Variants in TRIM44 observed in about 807,000 individuals in gnomAD.
The protein encoded by TRIM44 is tripartite motif-containing protein 44.
In TRIM44, 13 loss-of-function variants were observed where a neutral mutation model predicts 37.4. That is an observed-to-expected ratio of 0.35 (90% CI 0.23 to 0.55). The LOEUF (loss-of-function observed/expected upper bound fraction) is 0.55. TRIM44 is among the 20% of genes least tolerant of loss of function. The pLI is 0.89. For synonymous variants in TRIM44, 175 were observed against 157.2 expected (o/e 1.11, Z -0.85); for missense variants, 426 against 437.2 (o/e 0.97, Z 0.23).
chr11:35,804,829 G>C (rs139938826), intron 4 of TRIM44, among the ~76,000 whole-genome samples: 107 of 152,292 alleles, frequency 7.0e-4, no homozygotes, highest in Non-Finnish European at 1.3e-3. Flanking sequence ...TATTGAGTTG[G>C]TTCTTTTGGC....
At chr11:35,734,548 A>G (rs2057744143) in intron 3 of TRIM44, among the ~76,000 whole-genome samples, 1 of 152,156 alleles carries the variant, frequency 6.6e-6, no homozygotes, top group Non-Finnish European at 1.5e-5. Flanking sequence ...TACATTCTCT[A>G]TTGAGACTAC....
At chr11:35,787,330 G>A (rs946090957) in intron 4 of TRIM44, among the ~76,000 whole-genome samples, 1 of 152,092 alleles carries the variant, frequency 6.6e-6, no homozygotes, top group Non-Finnish European at 1.5e-5. Context: ...TTAAACACCA[G>A]CAAAGCACAA....
At position 35,728,091 on chromosome 11, in the gene TRIM44, C is replaced by T. The variant is rs1434477525; in HGVS notation, c.987+1928C>T. Among the ~76,000 whole-genome samples the T allele has an allele frequency of 4.6e-5, 7 of 152,270 alleles. No individual in the cohort carries two copies. The East Asian group carries it at 5.8e-4, about 13-fold the overall frequency. ...CTGTAATCCCAGCACTTTGGCAGGC[C>T]GAGGTGGGAGGATCACCTGAGGTCA... On this transcript the variant is annotated intron_variant, in intron 3 of 4. Coordinates refer to ENST00000299413, the MANE Select transcript of TRIM44 (RefSeq NM_017583.6).
chr11:35,692,338 C>T (rs556959865), intron 2 of TRIM44, among the ~76,000 whole-genome samples: 7 of 152,102 alleles, frequency 4.6e-5, no homozygotes, highest in Non-Finnish European at 4.4e-5. Flanking sequence ...AGGTGAAAGA[C>T]ACCTATGGAA....
intron 1 of TRIM44, among the ~76,000 whole-genome samples, chr11:35,680,040 G>A (rs1046040200): frequency 4.6e-5 from 7 of 152,080 alleles, no homozygotes; most frequent in Non-Finnish European, 4.4e-5. Flanking sequence ...ATTTTATATC[G>A]TTTTGAGGAT....
At chr11:35,781,944 A>T (rs1853070820) in intron 4 of TRIM44, among the ~76,000 whole-genome samples, 1 of 152,204 alleles carries the variant, frequency 6.6e-6, no homozygotes, top group Non-Finnish European at 1.5e-5. Flanking sequence ...GCTATCCTTT[A>T]CTTCATGCCC....
chr11:35,688,393 T>C (rs1376733266), intron 2 of TRIM44, among the ~76,000 whole-genome samples: 1 of 152,186 alleles, frequency 6.6e-6, no homozygotes, highest in African/African-American at 2.4e-5. Flanking sequence ...TTTTTAAAAT[T>C]ATAAAATAAT....
Position 35,663,465 on chromosome 11 carries a change from G to T in TRIM44, c.354G>T (p.Glu118Asp). 6.4e-7 allele frequency: 1 copy of T among 1,565,582 alleles called. No individual in the cohort carries two copies. Among genetic ancestry groups the T allele is most frequent in the East Asian group, 2.4e-5 (1 of 41,786 alleles). The change falls in exon 1 of 5, where the codon GAG becomes GAT. Residue 118 changes from glutamate (E) to aspartate (D), a missense_variant. By Grantham distance (45) the Glu-to-Asp change is conservative (BLOSUM62 2). Around this residue, in one of 2 missense-constraint regions of TRIM44, gnomAD observed 331 missense variants for 303.0 expected, o/e 1.09. Transcript: ENST00000299413. ...AGAGCGAGACAGAGGAAGAGAGTGA[G>T]GATGAGAGCGATGAGGAGAGTGAAG... ...EEESETEEES[E>D]DESDEESEED...
intron 4 of TRIM44, among the ~76,000 whole-genome samples, chr11:35,746,783 G>A (rs1345606025): frequency 6.6e-6 from 1 of 152,120 alleles, no homozygotes; most frequent in Non-Finnish European, 1.5e-5. Flanking sequence ...AAACATGAAT[G>A]GTTGCAGGTT....
At chr11:35,722,734 T>C (rs1158562936) in intron 2 of TRIM44, among the ~76,000 whole-genome samples, 1 of 152,228 alleles carries the variant, frequency 6.6e-6, no homozygotes, top group Non-Finnish European at 1.5e-5. Context: ...TTATGACCTG[T>C]ATCTTGTGCC....
chr11:35,788,303 A>G (rs941334961), intron 4 of TRIM44, among the ~76,000 whole-genome samples: 3 of 152,210 alleles, frequency 2.0e-5, no homozygotes, highest in African/African-American at 7.2e-5. Context: ...TGACTTGTTA[A>G]CAGCCATTTA....
At position 35,765,792 on chromosome 11, in the gene TRIM44, A is replaced by C. The variant is rs146770819; in HGVS notation, c.1007+30347A>C. On this transcript the variant is annotated intron_variant, in intron 4 of 4. Coordinates refer to ENST00000299413, the MANE Select transcript of TRIM44 (RefSeq NM_017583.6). The stretch of plus-strand genomic sequence containing the variant: ...TCATTCTCTCCTGCTCTTTCTGTGC[A>C]ATCTGATAGAACAAAATTTAGTTTC... 1.8e-3 allele frequency among the ~76,000 whole-genome samples: 278 copies of C among 152,294 alleles called. 1 individual carries two copies. The highest frequency in any genetic ancestry group is 6.4e-3 in the African/African-American group (267 of 41,574).
At chr11:35,682,690 T>TG (rs1445466088) in intron 1 of TRIM44, among the ~76,000 whole-genome samples, 1 of 152,170 alleles carries the variant, frequency 6.6e-6, no homozygotes, top group Non-Finnish European at 1.5e-5. Context: ...GCCTCTCCTC[T>TG]GTCTCTTCCC....
At chr11:35,737,997 C>T (rs1210679676) in intron 4 of TRIM44, among the ~76,000 whole-genome samples, 2 of 152,166 alleles carry the variant, frequency 1.3e-5, no homozygotes, top group African/African-American at 4.8e-5. Flanking sequence ...ATCTCCTTGG[C>T]CCTCCTCCGC....
chr11:35,799,832 C>T (rs1853342089), intron 4 of TRIM44, among the ~76,000 whole-genome samples: 1 of 152,138 alleles, frequency 6.6e-6, no homozygotes, highest in South Asian at 2.1e-4. Flanking sequence ...AGAGAGAAGG[C>T]TCATAGGATA....
chr11:35,787,837 C>G (rs923149176), intron 4 of TRIM44, among the ~76,000 whole-genome samples: 1 of 152,244 alleles, frequency 6.6e-6, no homozygotes, highest in African/African-American at 2.4e-5. Context: ...CCCCAAACCA[C>G]ACTGTGAGCT....
intron 4 of TRIM44, among the ~76,000 whole-genome samples, chr11:35,778,514 C>T (rs565559167): frequency 1.3e-5 from 2 of 152,288 alleles, no homozygotes; most frequent in South Asian, 2.1e-4. Flanking sequence ...CAAGTAGCTG[C>T]GTTCCTTTAG....
chr11:35,806,077 C>T (rs989817924), intron 4 of TRIM44, among the ~76,000 whole-genome samples: 3 of 152,160 alleles, frequency 2.0e-5, no homozygotes, highest in African/African-American at 7.2e-5. Context: ...TAGCTGCTCA[C>T]GTACTGTATA....
chr11:35,685,320 A>G lies in TRIM44; in HGVS notation c.731A>G (p.Lys244Arg). 1 of 1,614,200 alleles carries G rather than the reference A, an allele frequency of 6.2e-7. No homozygotes were observed. Among genetic ancestry groups the G allele is most frequent in the Non-Finnish European group, 8.5e-7 (1 of 1,180,016 alleles). The stretch of plus-strand genomic sequence containing the variant: ...GAATTGGTGGAAAGGTTGAAGTTCA[A>G]GAGCTCAGACCCTAAAGTAAGTATT... Reference protein sequence around the residue: ...MIELVERLKFKSSDPKVTRDQ... With the variant: ...MIELVERLKFRSSDPKVTRDQ... The change falls in exon 2 of 5, where the codon AAG becomes AGG. Residue 244 changes from lysine (K) to arginine (R), a missense_variant. Physicochemically the swap from Lys to Arg is conservative, Grantham distance 26 (BLOSUM62 2). Around this residue, in one of 2 missense-constraint regions of TRIM44, gnomAD observed 95 missense variants for 134.2 expected, o/e 0.71. Transcript: ENST00000299413.
Sources: gnomAD v4.1 joint callset for allele counts (sites outside exome capture counted in the v4.1 genomes callset) on GRCh38, gnomAD v4.1.1 for gene constraint, gnomAD v4.1.1 regional missense constraint, MANE v1.5 for transcripts, NCBI Gene and HGNC (gene_info 2026-07-23, HGNC 2026-07-21) for gene names.